The following UGT8 variants were observed in gnomAD, a reference collection of about 807,000 sequenced individuals.
UGT8 encodes the protein 2-hydroxyacylsphingosine 1-beta-galactosyltransferase.
In UGT8, 12 loss-of-function variants were observed where a neutral mutation model predicts 40.5. The ratio of observed to expected loss-of-function variants is 0.30; its 90% CI spans 0.19 to 0.48. UGT8 has a LOEUF of 0.48. Among genes scored for constraint, UGT8 ranks in the 20% least tolerant of loss-of-function variants. The pLI is 0.99. For synonymous variants in UGT8, 224 were observed against 240.4 expected, an observed-to-expected ratio of 0.93 and a Z score of 0.63; for missense variants, 513 against 648.7, an observed-to-expected ratio of 0.79 and a Z score of 2.27.
intron 1 of UGT8, among the ~76,000 whole-genome samples, chr4:114,602,026 T>C (rs1467548251): frequency 2.0e-5 from 3 of 152,200 alleles, no homozygotes; most frequent in Non-Finnish European, 4.4e-5. Flanking sequence ...TGGTTTGGAC[T>C]GTGAACTGAA....
At chr4:114,665,810 A>G in intron 4 of UGT8, 54 bp downstream of exon 4, 2 of 1,458,362 alleles carry the variant, frequency 1.4e-6, no homozygotes, top group South Asian at 1.3e-5. Flanking sequence ...AATTACATAA[A>G]TGTGACTTTT....
chr4:114,643,780 T>A (rs961861976), intron 2 of UGT8, among the ~76,000 whole-genome samples: 1 of 152,282 alleles, frequency 6.6e-6, no homozygotes, highest in African/African-American at 2.4e-5. Context: ...ATTTTTTTTT[T>A]TAATATGCTA....
chr4:114,666,831 C>CT (rs1734915896), intron 4 of UGT8, among the ~76,000 whole-genome samples: 1 of 151,884 alleles, frequency 6.6e-6, no homozygotes, highest in Non-Finnish European at 1.5e-5. Context: ...TGTGAGAACT[C>CT]TGACTTTTTC....
Position 114,678,051 on chromosome 4 carries a change from A to G in UGT8, c.*1763A>G, listed in dbSNP as rs1461398059. 1.3e-5 allele frequency: 2 copies of G among 152,224 alleles called. No homozygotes were observed. Among genetic ancestry groups the G allele is most frequent in the Non-Finnish European group, 2.9e-5 (2 of 68,040 alleles). 9.4% of individuals were successfully genotyped at this position (152,224 alleles called of 1,614,324 possible). On this transcript the variant is annotated 3_prime_UTR_variant, in exon 6 of 6. Coordinates refer to ENST00000310836, the MANE Select transcript of UGT8 (RefSeq NM_001128174.3). The stretch of plus-strand genomic sequence containing the variant: ...ATTACGATGTTGCCGTTAAAAGGGA[A>G]AAAAGACACAGGCAATGAATGGTGG...
intron 2 of UGT8, among the ~76,000 whole-genome samples, chr4:114,640,947 A>ACCTT (rs1199324638): frequency 6.6e-6 from 1 of 152,066 alleles, no homozygotes. Context: ...ATATCACCAA[A>ACCTT]AGGACAGGCT....
intron 2 of UGT8, among the ~76,000 whole-genome samples, chr4:114,637,121 A>G (rs1335670128): frequency 6.6e-6 from 1 of 152,188 alleles, no homozygotes; most frequent in Non-Finnish European, 1.5e-5. Flanking sequence ...CCAGAGGATT[A>G]GGAGGACACA....
intron 2 of UGT8, among the ~76,000 whole-genome samples, chr4:114,646,554 T>C (rs1733584166): frequency 6.6e-6 from 1 of 152,166 alleles, no homozygotes; most frequent in African/African-American, 2.4e-5. Context: ...TACTGGGGTT[T>C]CACAGGAGAA....
intron 2 of UGT8, among the ~76,000 whole-genome samples, chr4:114,641,819 A>G (rs560286878): frequency 1.3e-5 from 2 of 152,314 alleles, no homozygotes; most frequent in South Asian, 4.1e-4. Context: ...TTATTGCCTG[A>G]ATTAATCTTC....
intron 5 of UGT8, among the ~76,000 whole-genome samples, chr4:114,671,599 G>A (rs558427591): frequency 1.3e-5 from 2 of 152,164 alleles, no homozygotes; most frequent in Non-Finnish European, 2.9e-5. Flanking sequence ...TCAGTAAATG[G>A]TGCTGAGAAA....
At chr4:114,607,686 C>G (rs1373960323) in intron 1 of UGT8, among the ~76,000 whole-genome samples, 2 of 152,128 alleles carry the variant, frequency 1.3e-5, no homozygotes, top group Non-Finnish European at 2.9e-5. Flanking sequence ...TCTGACATCC[C>G]CATTTGCCTC....
intron 1 of UGT8, among the ~76,000 whole-genome samples, chr4:114,614,054 T>G (rs1485228752): frequency 2.6e-5 from 4 of 152,188 alleles, no homozygotes; most frequent in Admixed American, 2.0e-4. Flanking sequence ...GCTTAATGTT[T>G]TCAGAGAAAC....
At chr4:114,613,970 A>C (rs958723484) in intron 1 of UGT8, among the ~76,000 whole-genome samples, 2 of 152,194 alleles carry the variant, frequency 1.3e-5, no homozygotes, top group African/African-American at 2.4e-5. Context: ...CAAGGTACTG[A>C]GTGCAGTCTG....
At chr4:114,613,176 T>C (rs1731192722) in intron 1 of UGT8, among the ~76,000 whole-genome samples, 1 of 152,140 alleles carries the variant, frequency 6.6e-6, no homozygotes, top group South Asian at 2.1e-4. Flanking sequence ...TCATTATGTG[T>C]CACTTAAAAT....
intron 2 of UGT8, among the ~76,000 whole-genome samples, chr4:114,659,882 A>G (rs540472197): frequency 7.9e-5 from 12 of 152,228 alleles, no homozygotes; most frequent in Non-Finnish European, 1.5e-4. Flanking sequence ...TGGCACAGAG[A>G]TGGATAGATC....
At chr4:114,606,926 A>G (rs1730769177) in intron 1 of UGT8, among the ~76,000 whole-genome samples, 1 of 152,172 alleles carries the variant, frequency 6.6e-6, no homozygotes, top group African/African-American at 2.4e-5. Flanking sequence ...TGTGATCCTC[A>G]ATGTCCAAAA....
In UGT8 at chr4:114,668,302, C is replaced by G. The variant is rs771664388; in HGVS notation, c.1260C>G (p.Pro420=). The G allele has an allele frequency of 6.2e-7, 1 of 1,613,176 alleles. No individual in the cohort carries two copies. The highest frequency in any genetic ancestry group is 8.5e-7 in the Non-Finnish European group (1 of 1,179,342). The change falls in exon 5 of 6, where the codon CCC becomes CCG. Residue 420 remains proline (P), a splice_region_variant and synonymous_variant. Transcript: ENST00000310836. ...CACTAGTGAAGGTTATCAATAATCC[C>G]AGGTAAGGTTTCAATTAACATTAAA... ...YEALVKVINN[P]SYRQRAQKLS...
Position 114,650,975 on chromosome 4 carries a change from T to C in UGT8, c.823-13020T>C, listed in dbSNP as rs577490732. On this transcript the variant is annotated intron_variant, in intron 2 of 5. Coordinates refer to ENST00000310836, the MANE Select transcript of UGT8 (RefSeq NM_001128174.3). Reference sequence around the variant, plus strand: ...ATCCTGCCATTTCCTGTCTCTGATATAGACTTTCCTACCTGAAACTCACCT... The same window carrying C: ...ATCCTGCCATTTCCTGTCTCTGATACAGACTTTCCTACCTGAAACTCACCT... 1.6e-4 allele frequency among the ~76,000 whole-genome samples: 24 copies of C among 152,168 alleles called. No individual in the cohort carries two copies. The South Asian group carries it at 3.5e-3, about 22-fold the overall frequency.
At chr4:114,665,927 A>G (rs140693327) in intron 4 of UGT8, among the ~76,000 whole-genome samples, 171 bp downstream of exon 4, 11 of 152,222 alleles carry the variant, frequency 7.2e-5, no homozygotes, top group Admixed American at 7.2e-4. Flanking sequence ...TTTGAGGCCA[A>G]AATTTTAAGT....
chr4:114,615,401 T>C (rs1239210626), intron 1 of UGT8, among the ~76,000 whole-genome samples: 1 of 152,304 alleles, frequency 6.6e-6, no homozygotes, highest in South Asian at 2.1e-4. Flanking sequence ...CGTCCCCGTG[T>C]GCCCAAGACT....
Sources: allele counts gnomAD v4.1 joint callset (sites outside exome capture counted in the v4.1 genomes callset), GRCh38; gene constraint gnomAD v4.1.1; transcripts MANE v1.5; gene names NCBI Gene and HGNC (gene_info 2026-07-23, HGNC 2026-07-21).